Variants in IER3IP1 observed in about 807,000 individuals in gnomAD.
The protein encoded by IER3IP1 is immediate early response 3 interacting protein 1, also known as immediate early response 3-interacting protein 1.
Under a neutral mutation model 12.2 loss-of-function variants are expected in IER3IP1, and 16 were observed. The ratio of observed to expected loss-of-function variants is 1.31; its 90% CI spans 0.89 to 1.99. IER3IP1 has a LOEUF of 1.99. Among genes scored for constraint, IER3IP1 ranks in the 30% most tolerant of loss-of-function variants. IER3IP1 has a pLI of 0.00. For missense variants in IER3IP1, 95 were observed against 95.8 expected (o/e 0.99, Z 0.03); for synonymous variants, 42 against 40.0 (o/e 1.05, Z -0.19).
intron 1 of IER3IP1, among the ~76,000 whole-genome samples, chr18:47,174,686 G>T (rs919314704): frequency 2.7e-5 from 4 of 150,630 alleles, no homozygotes; most frequent in African/African-American, 9.7e-5. Context: ...AAAAAAAATG[G>T]GTCTTCCCAC....
chr18:47,175,597 A>G (rs2064029929), intron 1 of IER3IP1, among the ~76,000 whole-genome samples: 1 of 151,910 alleles, frequency 6.6e-6, no homozygotes, highest in African/African-American at 2.4e-5. Flanking sequence ...CCGCCCGGCT[A>G]ATTTTTGTAT....
At chr18:47,158,824 G>C (rs1350687279) in intron 1 of IER3IP1, among the ~76,000 whole-genome samples, 1 of 151,892 alleles carries the variant, frequency 6.6e-6, no homozygotes, top group African/African-American at 2.4e-5. Context: ...AGCCAGGTGT[G>C]ATGGCGTGCG....
intron 1 of IER3IP1, among the ~76,000 whole-genome samples, chr18:47,168,030 G>C (rs548162610): frequency 2.0e-3 from 297 of 150,438 alleles, no homozygotes; most frequent in Non-Finnish European, 2.8e-3. Context: ...GGAGGCTGAG[G>C]CAGAAGAATC....
At chr18:47,163,952 A>G (rs1271089961) in intron 1 of IER3IP1, among the ~76,000 whole-genome samples, 18 of 152,226 alleles carry the variant, frequency 1.2e-4, no homozygotes, top group African/African-American at 7.2e-5. Context: ...AAAATTATCA[A>G]TCCTTTCCAT....
In IER3IP1 at chr18:47,168,151, AAAAAT is replaced by A. The variant is rs1386494581; in HGVS notation, c.91+8031_91+8035del. 2.0e-3 allele frequency among the ~76,000 whole-genome samples: 290 copies of A among 142,918 alleles called. 18 individuals carry two copies. Among genetic ancestry groups the A allele is most frequent in the African/African-American group, 6.9e-3 (255 of 36,972 alleles). The allele number at this position is 142,918 out of a possible 152,430, so 93.8% of individuals were successfully genotyped here. A position where few individuals can be genotyped will look rare whatever the true frequency, so the allele number is the denominator to read the frequency against. On this transcript the variant is annotated intron_variant, in intron 1 of 2. Coordinates refer to ENST00000256433, the MANE Select transcript of IER3IP1 (RefSeq NM_016097.5). ...AAAAAAAAAAAAAAAAAAAAAAAAA[AAAAAT>A]TTTAGCTAGGTGGTGGTGGGTTCCT...
In IER3IP1 at chr18:47,176,204, T is replaced by TCACTGTTCTTGAGGAGTG. The variant is rs755395716; in HGVS notation, c.73_74insCACTCCTCAAGAACAGTG (p.Glu24_Glu25insAlaLeuLeuLysAsnSer). ...CCACTCACTGTTCTTGAGGAATCGCTCCTCGTGCAGCACTGCGATGGCGTT... is the reference window on the plus strand; with the variant it reads ...CCACTCACTGTTCTTGAGGAATCGCTCACTGTTCTTGAGGAGTGCCTCGTGCAGCACTGCGATGGCGTT... On this transcript the variant is annotated inframe_insertion, in exon 1 of 3. Coordinates refer to ENST00000256433, the MANE Select transcript of IER3IP1 (RefSeq NM_016097.5). 1 of 1,602,158 alleles carries TCACTGTTCTTGAGGAGTG rather than the reference T, an allele frequency of 6.2e-7. No individual in the cohort carries two copies. Among genetic ancestry groups the TCACTGTTCTTGAGGAGTG allele is most frequent in the Non-Finnish European group, 8.5e-7 (1 of 1,174,726 alleles).
At chr18:47,162,516 C>G (rs1231082915) in intron 1 of IER3IP1, among the ~76,000 whole-genome samples, 1 of 151,862 alleles carries the variant, frequency 6.6e-6, no homozygotes, top group East Asian at 1.9e-4. Context: ...AACAGAATAC[C>G]CTAAGAACAG....
chr18:47,166,632 T>G (rs888340455), intron 1 of IER3IP1, among the ~76,000 whole-genome samples: 1 of 152,110 alleles, frequency 6.6e-6, no homozygotes, highest in Non-Finnish European at 1.5e-5. Context: ...ACTGAAGAAC[T>G]GAAGAATTTC....
intron 1 of IER3IP1, among the ~76,000 whole-genome samples, chr18:47,163,695 T>C (rs2063986957): frequency 6.6e-6 from 1 of 152,196 alleles, no homozygotes; most frequent in Admixed American, 6.5e-5. Context: ...AAATGGCTTC[T>C]ATCTTTCTTT....
rs1210860615 is a variant in IER3IP1, at chr18:47,162,671, C to T, written c.92-5134G>A. Among the ~76,000 whole-genome samples the T allele has an allele frequency of 4.0e-5, 6 of 151,024 alleles. No individual in the cohort carries two copies. In the South Asian group the frequency reaches 1.0e-3, roughly 26 times the overall value. The stretch of plus-strand genomic sequence containing the variant: ...TATAAATCTGTCAAAATAATCAGTT[C>T]CAAAAAGAAAGAAAAAAAAAGAGGC... On this transcript the variant is annotated intron_variant, in intron 1 of 2. Coordinates refer to ENST00000256433, the MANE Select transcript of IER3IP1 (RefSeq NM_016097.5).
chr18:47,172,789 G>T lies in IER3IP1; in HGVS notation c.91+3398C>A, dbSNP rs1326996507. Among the ~76,000 whole-genome samples the T allele has an allele frequency of 6.6e-6, 1 of 152,166 alleles. No individual in the cohort carries two copies. Among genetic ancestry groups the T allele is most frequent in the Non-Finnish European group, 1.5e-5 (1 of 68,032 alleles). The stretch of plus-strand genomic sequence containing the variant: ...AGATGAGGGGGGACTACTGTACTAA[G>T]CTACTCAGTAACATCCCACTGTTGT... On this transcript the variant is annotated intron_variant, in intron 1 of 2. Coordinates refer to ENST00000256433, the MANE Select transcript of IER3IP1 (RefSeq NM_016097.5). The surrounding 1 kb of genome is among the most constrained non-coding windows in gnomAD (Gnocchi z 4.0).
Position 47,156,145 on chromosome 18 carries a change from C to CTCTTCTTCTGAG in IER3IP1, c.*31_*32insCTCAGAAGAAGA, listed in dbSNP as rs1359876231. The CTCTTCTTCTGAG allele has an allele frequency of 7.5e-7, 1 of 1,325,416 alleles. No individual in the cohort carries two copies. Among genetic ancestry groups the CTCTTCTTCTGAG allele is most frequent in the East Asian group, 2.3e-5 (1 of 43,452 alleles). 82.1% of individuals were successfully genotyped at this position (1,325,416 alleles called of 1,614,324 possible). On this transcript the variant is annotated 3_prime_UTR_variant, in exon 3 of 3. Coordinates refer to ENST00000256433, the MANE Select transcript of IER3IP1 (RefSeq NM_016097.5). ...AAGTAATAACTTCTACTGGCATGTC[C>CTCTTCTTCTGAG]TCTTCTGAGTCTCCATTTTCTCCAC...
chr18:47,158,028 GGAGTCAATCATAAT>G (rs2063967121), intron 1 of IER3IP1, among the ~76,000 whole-genome samples: 1 of 152,048 alleles, frequency 6.6e-6, no homozygotes, highest in African/African-American at 2.4e-5. Flanking sequence ...TGGTAAAGTG[GGAGTCAATCATAAT>G]ACCAAAATAC....
intron 1 of IER3IP1, among the ~76,000 whole-genome samples, chr18:47,157,826 TCTC>T (rs908330712): frequency 3.3e-5 from 5 of 152,208 alleles, no homozygotes; most frequent in Non-Finnish European, 7.3e-5. Flanking sequence ...ACTGTTTTTT[TCTC>T]CTTTTTTTAA....
intron 1 of IER3IP1, among the ~76,000 whole-genome samples, chr18:47,163,872 GT>G (rs2063987592): frequency 6.6e-6 from 1 of 152,068 alleles, no homozygotes; most frequent in Admixed American, 6.6e-5. Flanking sequence ...TTAAAATTAT[GT>G]TTTAAAACCA....
chr18:47,168,964 T>A (rs559530581), intron 1 of IER3IP1, among the ~76,000 whole-genome samples: 1 of 152,226 alleles, frequency 6.6e-6, no homozygotes, highest in Non-Finnish European at 1.5e-5. Context: ...TTCATACATA[T>A]AATTAAATGG....
In IER3IP1 at chr18:47,152,982, G is replaced by A. The variant is rs193025000; in HGVS notation, c.*3195C>T. ...GGTTATTGACCAATTTTACAGATAGGACAACCAAAAACTACTGAGGTCTTA... is the reference window on the plus strand; with the variant it reads ...GGTTATTGACCAATTTTACAGATAGAACAACCAAAAACTACTGAGGTCTTA... On this transcript the variant is annotated 3_prime_UTR_variant, in exon 3 of 3. Transcript: ENST00000256433. The A allele has an allele frequency of 3.3e-5, 5 of 152,196 alleles. No homozygotes were observed. The highest frequency in any genetic ancestry group is 1.2e-4 in the African/African-American group (5 of 41,546). The allele number at this position is 152,196 out of a possible 1,614,324, so 9.4% of individuals were successfully genotyped here. A position where few individuals can be genotyped will look rare whatever the true frequency, so the allele number is the denominator to read the frequency against.
chr18:47,169,295 G>A (rs2064007439), intron 1 of IER3IP1, among the ~76,000 whole-genome samples: 1 of 152,120 alleles, frequency 6.6e-6, no homozygotes, highest in Admixed American at 6.5e-5. Context: ...TTGCCAAATA[G>A]TATTCTACAG....
chr18:47,164,278 GA>G (rs200085716), intron 1 of IER3IP1, among the ~76,000 whole-genome samples: 8,249 of 144,724 alleles, frequency 0.057, 265 homozygotes, highest in East Asian at 0.094. Flanking sequence ...CCACCAGAAT[GA>G]AAAAAAAAAA....
Sources: allele counts gnomAD v4.1 joint callset (sites outside exome capture counted in the v4.1 genomes callset), GRCh38; gene constraint gnomAD v4.1.1; non-coding constraint Gnocchi (gnomAD v3.1); transcripts MANE v1.5; gene names NCBI Gene and HGNC (gene_info 2026-07-23, HGNC 2026-07-21).